NKAIN3: variants seen among roughly 807,000 people sequenced by gnomAD.
The protein encoded by NKAIN3 is sodium/potassium transporting ATPase interacting 3.
In NKAIN3, 25 loss-of-function variants were observed where a neutral mutation model predicts 30.2. The ratio of observed to expected loss-of-function variants is 0.83; its 90% CI spans 0.60 to 1.16. The LOEUF is 1.16. NKAIN3 is among the 50% of genes most tolerant of loss of function. The pLI, the probability that NKAIN3 is intolerant of heterozygous loss-of-function variation, is 0.00. For synonymous variants in NKAIN3, 91 were observed against 89.6 expected (o/e 1.02, Z -0.09); for missense variants, 225 against 254.1 (o/e 0.89, Z 0.78).
At chr8:62,256,249 TA>T (rs34324863) in intron 1 of NKAIN3, among the ~76,000 whole-genome samples, 280 of 149,622 alleles carry the variant, frequency 1.9e-3, no homozygotes, top group African/African-American at 5.5e-3. Context: ...CCTGTCTCTA[TA>T]AAAAAAAAAT....
chr8:62,597,647 C>G (rs947829684), intron 3 of NKAIN3, among the ~76,000 whole-genome samples: 34 of 152,004 alleles, frequency 2.2e-4, no homozygotes, highest in African/African-American at 8.2e-4. Context: ...AGGCTTTTCA[C>G]TGGTTTTGCT....
At chr8:62,810,323 CAAGTCTAAGGGG>C (rs1429598812) in intron 4 of NKAIN3, among the ~76,000 whole-genome samples, 11 of 152,056 alleles carry the variant, frequency 7.2e-5, no homozygotes, top group Non-Finnish European at 1.2e-4. Context: ...AGCATGCCAG[CAAGTCTAAGGGG>C]ATGTATTTGG....
chr8:62,742,485 A>G (rs1056073652), intron 3 of NKAIN3, among the ~76,000 whole-genome samples: 3 of 152,210 alleles, frequency 2.0e-5, no homozygotes, highest in African/African-American at 7.2e-5. Context: ...AGTTGCCTTC[A>G]GCTCAAAAAA....
chr8:62,880,524 A>G (rs1349922181), intron 4 of NKAIN3, among the ~76,000 whole-genome samples: 1 of 152,258 alleles, frequency 6.6e-6, no homozygotes, highest in South Asian at 2.1e-4. Context: ...TGGGATGAGA[A>G]GAGATAGAGG....
chr8:62,543,930 T>G (rs1363791702), intron 1 of NKAIN3, among the ~76,000 whole-genome samples: 1 of 152,130 alleles, frequency 6.6e-6, no homozygotes, highest in African/African-American at 2.4e-5. Context: ...TGGAGTAAAA[T>G]AAGAGAAATG....
intron 4 of NKAIN3, among the ~76,000 whole-genome samples, chr8:62,814,193 T>G (rs1156878283): frequency 2.0e-5 from 3 of 152,072 alleles, no homozygotes; most frequent in Non-Finnish European, 4.4e-5. Flanking sequence ...CTCCCAAGAC[T>G]TGGGGAGTTT....
chr8:62,378,320 A>T (rs982057810), intron 1 of NKAIN3, among the ~76,000 whole-genome samples: 3 of 152,174 alleles, frequency 2.0e-5, no homozygotes, highest in Non-Finnish European at 4.4e-5. Flanking sequence ...AGTTTGAAAA[A>T]TTTTCAGCCT....
chr8:62,293,772 A>G (rs997422917), intron 1 of NKAIN3, among the ~76,000 whole-genome samples: 3 of 152,200 alleles, frequency 2.0e-5, no homozygotes, highest in Non-Finnish European at 4.4e-5. Flanking sequence ...GCTGTCAGAC[A>G]GGGAAGTTTA....
At chr8:62,927,189 C>A (rs1412828497) in intron 5 of NKAIN3, among the ~76,000 whole-genome samples, 1 of 146,666 alleles carries the variant, frequency 6.8e-6, no homozygotes, top group African/African-American at 2.4e-5. Flanking sequence ...ACCCCCCTCC[C>A]ACTCACTCTC....
intron 4 of NKAIN3, among the ~76,000 whole-genome samples, chr8:62,756,527 C>T (rs555389417): frequency 1.4e-4 from 22 of 152,144 alleles, no homozygotes; most frequent in Non-Finnish European, 2.8e-4. Flanking sequence ...TTAGCCTTCA[C>T]CTTCCCACTG....
In NKAIN3 at chr8:62,971,564, C is replaced by T. The variant is rs1007949516; in HGVS notation, c.*6157C>T. ...AGGAGGGTTGTTTGAACCTGGGAGA[C>T]GGAGGTTGCAGTTAGCCAAGATCAT... On this transcript the variant is annotated 3_prime_UTR_variant, in exon 7 of 7. Coordinates refer to ENST00000623646, the MANE Select transcript of NKAIN3 (RefSeq NM_001304533.3). Among the ~76,000 whole-genome samples, 10 of 149,062 alleles carry T rather than the reference C, an allele frequency of 6.7e-5. No homozygotes were observed. Among genetic ancestry groups the T allele is most frequent in the South Asian group, 2.3e-4 (1 of 4,396 alleles).
intron 3 of NKAIN3, among the ~76,000 whole-genome samples, chr8:62,726,922 T>A (rs980813816): frequency 2.0e-5 from 3 of 152,036 alleles, no homozygotes; most frequent in African/African-American, 7.2e-5. Context: ...CCAGCCAATA[T>A]CTCTCATGAA....
chr8:62,584,700 C>T lies in NKAIN3; in HGVS notation c.193-5014C>T, dbSNP rs75948382. Among the ~76,000 whole-genome samples the T allele has an allele frequency of 1.0e-3, 158 of 152,326 alleles. 1 individual carries two copies. Among genetic ancestry groups the T allele is most frequent in the African/African-American group, 3.6e-3 (148 of 41,586 alleles). On this transcript the variant is annotated intron_variant, in intron 2 of 6. Coordinates refer to ENST00000623646, the MANE Select transcript of NKAIN3 (RefSeq NM_001304533.3). Reference sequence around the variant, plus strand: ...TGGAATGCCTTAATCTCTCTATCCTCTTGGAAAACCTTTAATAATCCTCAA... The same window carrying T: ...TGGAATGCCTTAATCTCTCTATCCTTTTGGAAAACCTTTAATAATCCTCAA...
At chr8:62,763,080 G>A (rs1816719085) in intron 4 of NKAIN3, among the ~76,000 whole-genome samples, 2 of 151,522 alleles carry the variant, frequency 1.3e-5, no homozygotes, top group Non-Finnish European at 2.9e-5. Flanking sequence ...AACTAGCCGG[G>A]CATGGTGGCG....
At chr8:62,305,544 T>C (rs1814204652) in intron 1 of NKAIN3, among the ~76,000 whole-genome samples, 1 of 150,620 alleles carries the variant, frequency 6.6e-6, no homozygotes, top group Admixed American at 6.6e-5. Flanking sequence ...AGAGAATCGC[T>C]ATTTTTAAAA....
intron 1 of NKAIN3, among the ~76,000 whole-genome samples, chr8:62,484,180 C>T (rs1260335832): frequency 6.6e-6 from 1 of 152,180 alleles, no homozygotes; most frequent in Non-Finnish European, 1.5e-5. Flanking sequence ...CTGTTTTCCT[C>T]ACTGGACTCA....
At chr8:62,399,316 G>A (rs987088717) in intron 1 of NKAIN3, among the ~76,000 whole-genome samples, 1 of 152,060 alleles carries the variant, frequency 6.6e-6, no homozygotes, top group Non-Finnish European at 1.5e-5. Context: ...GACCAGCCTG[G>A]CCAACATGGT....
chr8:62,414,669 A>G (rs2129596189), intron 1 of NKAIN3, among the ~76,000 whole-genome samples: 1 of 152,304 alleles, frequency 6.6e-6, no homozygotes, highest in South Asian at 2.1e-4. Context: ...ACAGGTAAAA[A>G]GAACAGTATC....
intron 1 of NKAIN3, among the ~76,000 whole-genome samples, chr8:62,384,507 A>G (rs952275271): frequency 1.3e-5 from 2 of 152,268 alleles, no homozygotes; most frequent in Middle Eastern, 3.4e-3. Context: ...AATTTTTTCA[A>G]TATTTCTAGG....
Sources: allele counts gnomAD v4.1 joint callset (sites outside exome capture counted in the v4.1 genomes callset), GRCh38; gene constraint gnomAD v4.1.1; transcripts MANE v1.5; gene names NCBI Gene and HGNC (gene_info 2026-07-23, HGNC 2026-07-21).